The following SH3YL1 variants were observed in gnomAD, a reference collection of about 807,000 sequenced individuals.
SH3YL1 encodes the protein SH3 domain-containing YSC84-like protein 1.
Under a neutral mutation model 45.8 loss-of-function variants are expected in SH3YL1, and 41 were observed. That is an observed-to-expected ratio of 0.89 (90% CI 0.70 to 1.16). The LOEUF is 1.16. Ranked by LOEUF, SH3YL1 falls within the 50% of genes most tolerant of loss-of-function variation. The pLI, the probability that SH3YL1 is intolerant of heterozygous loss-of-function variation, is 0.00. For missense variants in SH3YL1, 389 were observed against 409.6 expected (o/e 0.95, Z 0.43); for synonymous variants, 152 against 151.4 (o/e 1.00, Z -0.03).
At chr2:223,061 A>G (rs1558232407) in intron 9 of SH3YL1, 1 of 152,212 alleles carries the variant, frequency 6.6e-6, no homozygotes, top group Non-Finnish European at 1.5e-5. Flanking sequence ...AGAATGGGCT[A>G]AAGGAATATT....
intron 9 of SH3YL1, 127 bp downstream of exon 9, chr2:224,737 T>C: frequency 1.4e-6 from 1 of 726,060 alleles, no homozygotes; most frequent in Admixed American, 2.4e-5. Flanking sequence ...CAAAAGAATG[T>C]GAATATTCTA....
At chr2:256,498 C>A (rs550081756) in intron 1 of SH3YL1, 1 of 152,260 alleles carries the variant, frequency 6.6e-6, no homozygotes, top group Admixed American at 6.5e-5. Context: ...TCAAGACCAG[C>A]CTGGCTAACA....
At chr2:243,241 A>T (rs1415407344) in intron 4 of SH3YL1, among the ~76,000 whole-genome samples, 1 of 152,196 alleles carries the variant, frequency 6.6e-6, no homozygotes, top group East Asian at 1.9e-4. Context: ...TCCAGCACAC[A>T]TGGAACATTG....
intron 4 of SH3YL1, among the ~76,000 whole-genome samples, chr2:237,142 C>A (rs3791216): frequency 0.91 from 138,431 of 151,596 alleles, 63,318 homozygotes; most frequent in African/African-American, 0.97. Flanking sequence ...CCCACATTTC[C>A]CACTCGGAAA....
At chr2:223,083 AACTGAGTT>A (rs2103017196) in intron 9 of SH3YL1, 1 of 152,348 alleles carries the variant, frequency 6.6e-6, no homozygotes, top group East Asian at 1.9e-4. Flanking sequence ...ACTCAGTTGT[AACTGAGTT>A]ACCATTTACC....
At chr2:262,430 C>T in intron 1 of SH3YL1, 1 of 384,036 alleles carries the variant, frequency 2.6e-6, no homozygotes, top group Non-Finnish European at 4.5e-6. Context: ...CCTCGGGAGA[C>T]AGGAAAGCCC....
intron 2 of SH3YL1, among the ~76,000 whole-genome samples, chr2:251,792 A>G (rs1368055883): frequency 6.6e-6 from 1 of 152,248 alleles, no homozygotes; most frequent in Non-Finnish European, 1.5e-5. Flanking sequence ...CACCGGGCCA[A>G]TGCAACAACA....
At position 218,303 on chromosome 2, in the gene SH3YL1, C is replaced by G. The variant is rs1430522573; in HGVS notation, c.*508G>C. 6.6e-6 allele frequency: 1 copy of G among 152,194 alleles called. No individual in the cohort carries two copies. Among genetic ancestry groups the G allele is most frequent in the Non-Finnish European group, 1.5e-5 (1 of 68,082 alleles). 9.4% of individuals were successfully genotyped at this position (152,194 alleles called of 1,614,324 possible). A position where few individuals can be genotyped will look rare whatever the true frequency, so the allele number is the denominator to read the frequency against. On this transcript the variant is annotated 3_prime_UTR_variant, in exon 10 of 10. Transcript: ENST00000356150. ...CATGGTAGTCAGACTTCTTTGTAAT[C>G]ACATTTCTATGATAAATGCATAGTA...
intron 1 of SH3YL1, among the ~76,000 whole-genome samples, chr2:261,734 T>C (rs1669598799): frequency 6.6e-6 from 1 of 152,150 alleles, no homozygotes; most frequent in Admixed American, 6.6e-5. Context: ...CGGTTTCCAA[T>C]CTAGTTGTAC....
chr2:264,092 G>C, upstream of SH3YL1: 1 of 1,334,594 alleles, frequency 7.5e-7, no homozygotes, highest in Non-Finnish European at 9.6e-7. Context: ...ACCTGCGGCA[G>C]GTGACGAAGG....
intron 1 of SH3YL1, among the ~76,000 whole-genome samples, chr2:255,191 C>G (rs998358109): frequency 6.6e-6 from 1 of 152,116 alleles, no homozygotes; most frequent in African/African-American, 2.4e-5. Context: ...TTTATTCTTT[C>G]GACAGATCAA....
At chr2:234,317 TATC>T (rs780659825) in intron 4 of SH3YL1, 45 bp from the exon 5 acceptor site, 1 of 1,442,306 alleles carries the variant, frequency 6.9e-7, no homozygotes, top group Non-Finnish European at 9.7e-7. Context: ...TAAGACTAAA[TATC>T]ATTTAAAATT....
intron 1 of SH3YL1, among the ~76,000 whole-genome samples, chr2:258,992 G>C (rs1669475671): frequency 1.3e-5 from 2 of 152,162 alleles, no homozygotes; most frequent in South Asian, 4.1e-4. Context: ...AGCCTCTTCA[G>C]ACTCAATTTC....
chr2:243,379 T>C, intron 4 of SH3YL1: 4 of 964,466 alleles, frequency 4.1e-6, no homozygotes, highest in Non-Finnish European at 5.9e-6. Context: ...AAGATAAATT[T>C]GGGAAATTTA....
In SH3YL1 at chr2:237,772, T is replaced by C. The variant is rs975307479; in HGVS notation, c.292-3500A>G. On this transcript the variant is annotated intron_variant, in intron 4 of 9. Transcript: ENST00000356150. The stretch of plus-strand genomic sequence containing the variant: ...ATTTGATCTTTACAAATTGTATGCA[T>C]GTATTAAATTATTACAAGTACCAGG... 2.6e-5 allele frequency among the ~76,000 whole-genome samples: 4 copies of C among 152,140 alleles called. No individual in the cohort carries two copies. The East Asian group carries it at 7.7e-4, about 29-fold the overall frequency.
chr2:234,054 TG>T, intron 5 of SH3YL1, 105 bp downstream of exon 5: 1 of 812,866 alleles, frequency 1.2e-6, no homozygotes, highest in Non-Finnish European at 2.0e-6. Flanking sequence ...TGTATAAATC[TG>T]GGGATGTACA....
chr2:221,409 T>TAG (rs111975670), intron 9 of SH3YL1, among the ~76,000 whole-genome samples: 7 of 152,226 alleles, frequency 4.6e-5, no homozygotes, highest in African/African-American at 1.7e-4. Flanking sequence ...GAGGAATAAT[T>TAG]AGAGAAATAA....
At chr2:242,945 C>A in intron 4 of SH3YL1, 1 of 925,452 alleles carries the variant, frequency 1.1e-6, no homozygotes, top group Non-Finnish European at 1.5e-6. Flanking sequence ...GGTCAATCAA[C>A]CAAAGAGATA....
rs181461745 is a variant in SH3YL1 at position 224,885 on chromosome 2, A to C, written c.817T>G (p.Ser273Ala). ...RNEYKLYPGL[S>A]SYHERVGNLN... ...TTACCAACTCTCTCATGATAGCTGG[A>C]AAGTCCAGGATAGAGCTTATATTCA... Residue 273 changes from serine to alanine, a missense_variant, in exon 9 of 10, where the codon TCC (serine) becomes GCC (alanine). Physicochemically the swap from Ser to Ala is moderately conservative, Grantham distance 99 (BLOSUM62 1). Transcript: ENST00000356150. 19 of 1,610,736 alleles carry C rather than the reference A, an allele frequency of 1.2e-5. No homozygotes were observed. The highest frequency in any genetic ancestry group is 5.3e-5 in the African/African-American group (4 of 74,890).
Sources: gnomAD v4.1 joint callset for allele counts (sites outside exome capture counted in the v4.1 genomes callset) on GRCh38, gnomAD v4.1.1 for gene constraint, MANE v1.5 for transcripts, NCBI Gene and HGNC (gene_info 2026-07-23, HGNC 2026-07-21) for gene names.